The following YY1 variants were observed in gnomAD, a reference collection of about 807,000 sequenced individuals.
YY1 encodes the protein YY1 transcription factor.
Under a neutral mutation model 35.6 loss-of-function variants are expected in YY1, and 2 were observed. The ratio of observed to expected loss-of-function variants is 0.06; its 90% CI spans 0.02 to 0.18. YY1 has a LOEUF of 0.18. Among genes scored for constraint, YY1 ranks in the 10% least tolerant of loss-of-function variants. The pLI, the probability that YY1 is intolerant of heterozygous loss-of-function variation, is 1.00. For synonymous variants in YY1, 268 were observed against 238.9 expected, an observed-to-expected ratio of 1.12 and a Z score of -1.12; for missense variants, 322 against 573.4, an observed-to-expected ratio of 0.56 and a Z score of 4.48.
rs539194530 is a variant in YY1 at position 100,242,936 on chromosome 14, G to T, written c.679+3013G>T. On this transcript the variant is annotated intron_variant, in intron 1 of 4. Coordinates refer to ENST00000262238, the MANE Select transcript of YY1 (RefSeq NM_003403.5). ...GCTATAATGTCCATTTCTTTAAAGCGCTGGTTGTCTAGCTAGTGTGGTAGA... is the reference window on the plus strand; with the variant it reads ...GCTATAATGTCCATTTCTTTAAAGCTCTGGTTGTCTAGCTAGTGTGGTAGA... Among the ~76,000 whole-genome samples the T allele has an allele frequency of 8.5e-5, 13 of 152,190 alleles. 1 individual carries two copies. The highest frequency in any genetic ancestry group is 8.5e-4 in the Admixed American group (13 of 15,266).
intron 1 of YY1, among the ~76,000 whole-genome samples, chr14:100,244,109 A>C (rs1890792774): frequency 8.1e-6 from 1 of 123,792 alleles, no homozygotes; most frequent in African/African-American, 3.3e-5. Flanking sequence ...CTCCGTCTCC[A>C]AAAAAAAAAA....
chr14:100,265,456 C>G (rs1392468850), intron 2 of YY1: 1 of 152,208 alleles, frequency 6.6e-6, no homozygotes, highest in Non-Finnish European at 1.5e-5. Context: ...AGACTGTGTG[C>G]TCAGTTGGGG....
chr14:100,276,810 T>G lies in YY1; in HGVS notation c.1062+162T>G. On this transcript the variant is annotated intron_variant, in intron 4 of 4. Transcript: ENST00000262238. The surrounding 1 kb of genome is among the most constrained non-coding windows in gnomAD (Gnocchi z 4.1). The stretch of plus-strand genomic sequence containing the variant: ...CTCCTGGGGAGTCGCTTAGAAGGGT[T>G]GCCGGGGCTCTGGACATCCTTGTCT... The G allele has an allele frequency of 3.0e-6, 3 of 997,414 alleles. No individual in the cohort carries two copies. Among genetic ancestry groups the G allele is most frequent in the Non-Finnish European group, 4.5e-6 (3 of 666,440 alleles). 61.8% of individuals were successfully genotyped at this position (997,414 alleles called of 1,614,324 possible).
At chr14:100,274,412 A>G (rs1891290549) in intron 2 of YY1, among the ~76,000 whole-genome samples, 1 of 152,200 alleles carries the variant, frequency 6.6e-6, no homozygotes, top group African/African-American at 2.4e-5. Context: ...TGAATCACAC[A>G]GATCATAGTG....
chr14:100,254,576 G>C (rs536870417), intron 1 of YY1, among the ~76,000 whole-genome samples: 1 of 152,070 alleles, frequency 6.6e-6, no homozygotes, highest in African/African-American at 2.4e-5. Flanking sequence ...TTTTGCCTCA[G>C]TCTCCCGAGT....
intron 1 of YY1, among the ~76,000 whole-genome samples, chr14:100,252,207 T>G (rs1407451270): frequency 6.6e-6 from 1 of 152,188 alleles, no homozygotes; most frequent in Non-Finnish European, 1.5e-5. Flanking sequence ...ATTTATTTAG[T>G]TCCTTAATTA....
chr14:100,247,842 T>C (rs1413612702), intron 1 of YY1, among the ~76,000 whole-genome samples: 1 of 152,218 alleles, frequency 6.6e-6, no homozygotes, highest in East Asian at 1.9e-4. Context: ...GGACTGACCT[T>C]GAGATCTTTC....
At chr14:100,261,728 G>C (rs1000080754) in intron 1 of YY1, among the ~76,000 whole-genome samples, 1 of 152,192 alleles carries the variant, frequency 6.6e-6, no homozygotes, top group African/African-American at 2.4e-5. Flanking sequence ...CCAAAATAGA[G>C]GAGTGAAGAG....
Position 100,239,283 on chromosome 14 carries a change from C to T in YY1, c.39C>T (p.Gly13=), listed in dbSNP as rs1890684962. The change falls in exon 1 of 5, where the codon GGC becomes GGT. Residue 13 remains glycine, a synonymous_variant. Coordinates refer to ENST00000262238, the MANE Select transcript of YY1 (RefSeq NM_003403.5). ...ACACCCTCTACATCGCCACGGACGG[C>T]TCGGAGATGCCGGCCGAGATCGTGG... ...SGDTLYIATD[G]SEMPAEIVEL... 2 of 1,592,670 alleles carry T rather than the reference C, an allele frequency of 1.3e-6. No homozygotes were observed. The highest frequency in any genetic ancestry group is 2.3e-5 in the East Asian group (1 of 43,686).
chr14:100,270,916 A>T (rs1891228105), intron 2 of YY1, among the ~76,000 whole-genome samples: 1 of 152,112 alleles, frequency 6.6e-6, no homozygotes, highest in South Asian at 2.1e-4. Context: ...TTCAAAGAAT[A>T]AGTGTTCACT....
chr14:100,269,582 A>C (rs1322447033), intron 2 of YY1, among the ~76,000 whole-genome samples: 6 of 152,220 alleles, frequency 3.9e-5, no homozygotes, highest in African/African-American at 1.4e-4. Context: ...TTACTCGCAA[A>C]ATGAAACACT....
At chr14:100,259,586 T>A (rs963904347) in intron 1 of YY1, among the ~76,000 whole-genome samples, 4 of 151,296 alleles carry the variant, frequency 2.6e-5, no homozygotes, top group Non-Finnish European at 5.9e-5. Flanking sequence ...CAGGGAATAA[T>A]CTAGGAGCTC....
At position 100,281,218 on chromosome 14, in the gene YY1, T is replaced by C. The variant is rs1000500234; in HGVS notation, c.*3618T>C. The C allele has an allele frequency of 6.6e-6, 1 of 152,026 alleles. No individual in the cohort carries two copies. Among genetic ancestry groups the C allele is most frequent in the Non-Finnish European group, 1.5e-5 (1 of 68,018 alleles). The allele number at this position is 152,026 out of a possible 1,614,324, so 9.4% of individuals were successfully genotyped here. On this transcript the variant is annotated 3_prime_UTR_variant, in exon 5 of 5. Transcript: ENST00000262238. ...TTGGGAAATTCATGTTGTTGATCTTTAATTATTTAATTATTCTTTAATAAT... is the reference window on the plus strand; with the variant it reads ...TTGGGAAATTCATGTTGTTGATCTTCAATTATTTAATTATTCTTTAATAAT...
chr14:100,242,683 CAG>C (rs550452886), intron 1 of YY1, among the ~76,000 whole-genome samples: 52 of 152,254 alleles, frequency 3.4e-4, no homozygotes, highest in African/African-American at 1.1e-3. Context: ...CCACCGCGCC[CAG>C]CCAAGTGGCT....
intron 1 of YY1, among the ~76,000 whole-genome samples, 154 bp downstream of exon 1, chr14:100,240,077 CGGCGGCG>C (rs921649072): frequency 7.0e-6 from 1 of 143,442 alleles, no homozygotes; most frequent in East Asian, 2.1e-4. Flanking sequence ...GGCGCGGCGG[CGGCGGCG>C]GGCGGCGGGC....
intron 2 of YY1, among the ~76,000 whole-genome samples, chr14:100,270,511 T>C (rs1891222192): frequency 6.7e-6 from 1 of 148,402 alleles, no homozygotes; most frequent in Non-Finnish European, 1.5e-5. Flanking sequence ...TAATCCCAGC[T>C]ACTCAGGAGG....
chr14:100,245,567 G>C (rs372847730), intron 1 of YY1, among the ~76,000 whole-genome samples: 4 of 152,130 alleles, frequency 2.6e-5, no homozygotes, highest in African/African-American at 9.6e-5. Context: ...TTTTTCCCTA[G>C]ATACTAATGC....
In YY1 at chr14:100,239,936, C is replaced by T. The variant is rs1336747766; in HGVS notation, c.679+13C>T. 3.3e-6 allele frequency: 5 copies of T among 1,515,112 alleles called. No individual in the cohort carries two copies. In the African/African-American group the frequency reaches 7.3e-5, roughly 22 times the overall value. 93.9% of individuals were successfully genotyped at this position (1,515,112 alleles called of 1,614,324 possible). On this transcript the variant is annotated intron_variant, in intron 1 of 4. Coordinates refer to ENST00000262238, the MANE Select transcript of YY1 (RefSeq NM_003403.5). ...ATGTGGTCCTCAGGTGAGCGCCGGC[C>T]GCGCGCCCCGGCCCCGGGATGTTTT... is the stretch of plus-strand genomic sequence containing the variant.
Position 100,243,355 on chromosome 14 carries a change from AG to A in YY1, c.679+3433del, listed in dbSNP as rs578063943. On this transcript the variant is annotated intron_variant, in intron 1 of 4. Transcript: ENST00000262238. ...AACTACACTTTAGTTTCACTAAAAT[AG>A]CCCCTTAGTTTGGAATGAACTGTGA... is the stretch of plus-strand genomic sequence containing the variant. Among the ~76,000 whole-genome samples the A allele has an allele frequency of 9.9e-3, 1,504 of 152,360 alleles. 9 individuals are homozygous for A. Among genetic ancestry groups the A allele is most frequent in the Middle Eastern group, 0.027 (8 of 294 alleles).
Sources: allele counts gnomAD v4.1 joint callset (sites outside exome capture counted in the v4.1 genomes callset), GRCh38; gene constraint gnomAD v4.1.1; non-coding constraint Gnocchi (gnomAD v3.1); transcripts MANE v1.5; gene names NCBI Gene and HGNC (gene_info 2026-07-23, HGNC 2026-07-21).